RIPOR3: variants seen among roughly 807,000 people sequenced by gnomAD.
RIPOR3 encodes the protein RIPOR family member 3.
RIPOR3 carries 95 observed loss-of-function variants against 114.3 expected under a neutral mutation model. The ratio of observed to expected loss-of-function variants is 0.83; its 90% CI spans 0.70 to 0.99. The LOEUF is 0.99. Ranked by LOEUF, RIPOR3 falls within the 50% of genes least tolerant of loss-of-function variation. RIPOR3 has a pLI of 0.00. For missense variants in RIPOR3, 1,252 were observed against 1,266.9 expected (o/e 0.99, Z 0.18); for synonymous variants, 575 against 543.8 (o/e 1.06, Z -0.80).
chr20:50,680,251 C>T (rs2086815565), intron 1 of RIPOR3, among the ~76,000 whole-genome samples: 1 of 152,218 alleles, frequency 6.6e-6, no homozygotes, highest in South Asian at 2.1e-4. Context: ...CAATTACGGC[C>T]AGCGGGGCCC....
chr20:50,611,819 G>A (rs949663776), intron 4 of RIPOR3, among the ~76,000 whole-genome samples: 1 of 152,188 alleles, frequency 6.6e-6, no homozygotes, highest in African/African-American at 2.4e-5. Context: ...CCCATGCCAA[G>A]ATCTATAAAG....
intron 1 of RIPOR3, among the ~76,000 whole-genome samples, chr20:50,640,479 T>A (rs2085148535): frequency 6.7e-6 from 1 of 148,968 alleles, no homozygotes; most frequent in Non-Finnish European, 1.5e-5. Context: ...CTGAGCTTGG[T>A]GAACACACGC....
intron 19 of RIPOR3, among the ~76,000 whole-genome samples, chr20:50,591,718 C>G (rs771504501): frequency 6.6e-6 from 1 of 152,200 alleles, no homozygotes; most frequent in Non-Finnish European, 1.5e-5. Flanking sequence ...GGTCCACTCT[C>G]TTGGTTTTCA....
At position 50,630,622 on chromosome 20, in the gene RIPOR3, G is replaced by A. The variant is rs2426177; in HGVS notation, c.122+116C>T. ...CTCTGTCTCTCTCGGGCTGCAAGCC[G>A]GCCTGAGAGTGGGCCTTCGGGTCTC... On this transcript the variant is annotated intron_variant, in intron 2 of 21. Coordinates refer to ENST00000327979, the MANE Select transcript of RIPOR3 (RefSeq NM_001290268.2). 19,665 of 764,612 alleles carry A rather than the reference G, an allele frequency of 0.026. 2,511 individuals carry two copies. In the African/African-American group the frequency reaches 0.29, roughly 11 times the overall value. 47.4% of individuals were successfully genotyped at this position (764,612 alleles called of 1,614,324 possible).
chr20:50,656,688 C>CG (rs1392777668), intron 1 of RIPOR3, among the ~76,000 whole-genome samples: 2 of 152,000 alleles, frequency 1.3e-5, no homozygotes, highest in Non-Finnish European at 2.9e-5. Context: ...TTAGTAGAGA[C>CG]GGGGTTTCAT....
chr20:50,684,764 G>A (rs185600855), intron 1 of RIPOR3, among the ~76,000 whole-genome samples: 69 of 152,226 alleles, frequency 4.5e-4, no homozygotes, highest in African/African-American at 1.3e-3. Context: ...GGGAGCCAAC[G>A]GAATTTCTTT....
chr20:50,683,211 C>A (rs2086914419), intron 1 of RIPOR3, among the ~76,000 whole-genome samples: 1 of 152,132 alleles, frequency 6.6e-6, no homozygotes, highest in Admixed American at 6.5e-5. Flanking sequence ...ACACAGAATT[C>A]AAGATAGCAG....
intron 1 of RIPOR3, among the ~76,000 whole-genome samples, chr20:50,690,289 C>G (rs1455332502): frequency 6.6e-6 from 1 of 152,204 alleles, no homozygotes; most frequent in Admixed American, 6.5e-5. Context: ...GCCCCCAGCT[C>G]TCTCCACCTC....
intron 1 of RIPOR3, among the ~76,000 whole-genome samples, chr20:50,639,814 A>G (rs1290090286): frequency 4.6e-5 from 7 of 152,222 alleles, no homozygotes; most frequent in African/African-American, 1.7e-4. Flanking sequence ...GGGCTCTCCA[A>G]TCAGAAGCCC....
chr20:50,620,874 T>G, intron 2 of RIPOR3: 1 of 706,710 alleles, frequency 1.4e-6, no homozygotes, highest in Non-Finnish European at 2.6e-6. Flanking sequence ...TACACTGAGT[T>G]TGTGCGGGAC....
rs771138078 is a variant in RIPOR3, at chr20:50,630,782, G to C, written c.78C>G (p.Ser26Arg). Residue 26 changes from serine (S) to arginine (R), a missense_variant, in exon 2 of 22, where the codon AGC (serine) becomes AGG (arginine). Transcript: ENST00000327979. ...CACTGCTGAAGCCTGCGAAGGAGGC[G>C]CTCCGGCCCACGACCCCCACGGCCC... The part of the protein sequence containing the change: ...DTGAVGVVGR[S>R]ASFAGFSSAQ... The C allele has an allele frequency of 5.6e-6, 9 of 1,612,160 alleles. No individual in the cohort carries two copies. The highest frequency in any genetic ancestry group is 7.6e-6 in the Non-Finnish European group (9 of 1,179,598).
chr20:50,625,156 C>T (rs112060951), intron 2 of RIPOR3, among the ~76,000 whole-genome samples: 176 of 152,216 alleles, frequency 1.2e-3, no homozygotes, highest in Non-Finnish European at 2.1e-3. Flanking sequence ...CTGTAGCCTC[C>T]GCCTCCTGGG....
chr20:50,599,638 G>A (rs1447015259), intron 13 of RIPOR3, among the ~76,000 whole-genome samples: 1 of 152,128 alleles, frequency 6.6e-6, no homozygotes, highest in African/African-American at 2.4e-5. Context: ...AATAGACCAT[G>A]AGGACACTTG....
chr20:50,593,050 G>T lies in RIPOR3; in HGVS notation c.2359C>A (p.Gln787Lys). ...CCAGTCTTACCTTCCTTGGTGAGCTGGGTGAAGTGCTTCTCCAGGTCAGAG... is the reference window on the plus strand; with the variant it reads ...CCAGTCTTACCTTCCTTGGTGAGCTTGGTGAAGTGCTTCTCCAGGTCAGAG... The part of the protein sequence containing the change: ...SVSDLEKHFT[Q>K]LTKEVTLIEE... Residue 787 changes from glutamine (Q) to lysine (K), a missense_variant, in exon 18 of 22, where the codon CAG becomes AAG. Transcript: ENST00000327979. The T allele has an allele frequency of 1.2e-6, 2 of 1,614,064 alleles. No individual in the cohort carries two copies. Among genetic ancestry groups the T allele is most frequent in the Non-Finnish European group, 1.7e-6 (2 of 1,180,040 alleles).
chr20:50,638,518 C>T (rs1170071691), intron 1 of RIPOR3, among the ~76,000 whole-genome samples: 3 of 152,220 alleles, frequency 2.0e-5, no homozygotes, highest in Non-Finnish European at 4.4e-5. Context: ...CTCGTCACCA[C>T]TCCCACCAGC....
chr20:50,647,298 C>T (rs1030845924), intron 1 of RIPOR3, among the ~76,000 whole-genome samples: 7 of 151,696 alleles, frequency 4.6e-5, no homozygotes, highest in African/African-American at 1.2e-4. Context: ...CCAGCCTAGG[C>T]GACAAGAGCG....
intron 1 of RIPOR3, among the ~76,000 whole-genome samples, chr20:50,666,413 T>C (rs111715456): frequency 0.017 from 2,600 of 150,574 alleles, 90 homozygotes; most frequent in African/African-American, 0.06. Flanking sequence ...TTAGTAGAGA[T>C]GGGGTTTCGC....
intron 20 of RIPOR3, 38 bp from the exon 21 acceptor site, chr20:50,587,930 C>T: frequency 6.3e-7 from 1 of 1,597,468 alleles, no homozygotes; most frequent in African/African-American, 1.4e-5. Flanking sequence ...CTTTAGGGGG[C>T]CTTCTCAACA....
At chr20:50,594,519 G>A in intron 17 of RIPOR3, 34 bp downstream of exon 17, 1 of 1,598,844 alleles carries the variant, frequency 6.3e-7, no homozygotes, top group Non-Finnish European at 8.6e-7. Context: ...CAGCCTTTCT[G>A]TGGGAGGGGA....
Sources: gnomAD v4.1 joint callset for allele counts (sites outside exome capture counted in the v4.1 genomes callset) on GRCh38, gnomAD v4.1.1 for gene constraint, MANE v1.5 for transcripts, NCBI Gene and HGNC (gene_info 2026-07-23, HGNC 2026-07-21) for gene names.